R3HDM4: variants seen among roughly 807,000 people sequenced by gnomAD.
R3HDM4 encodes R3H domain-containing protein 4.
A neutral mutation model predicts 31.3 loss-of-function variants in R3HDM4; 30 were observed. The ratio of observed to expected loss-of-function variants is 0.96; its 90% CI spans 0.72 to 1.30. R3HDM4 has a LOEUF of 1.30. R3HDM4 is among the 50% of genes most tolerant of loss of function. The probability of loss-of-function intolerance (pLI) is 0.00; values close to 1 mark genes in which losing one functional copy is unlikely to be tolerated. For synonymous variants in R3HDM4, 196 were observed against 156.6 expected (o/e 1.25, Z -1.88); for missense variants, 444 against 366.1 (o/e 1.21, Z -1.74).
Position 899,740 on chromosome 19 carries a change from C to T in R3HDM4, c.562-54G>A. On this transcript the variant is annotated intron_variant, in intron 5 of 7. Transcript: ENST00000361574. This position sits in a 1 kb window ranked among gnomAD's most constrained non-coding sequence, Gnocchi z 6.8. ...ACTGCGGGACCTGTGGGTGGGGGGCCAGGGAGGTCCAGGGCCCCCAGGAGC... is the reference window on the plus strand; with the variant it reads ...ACTGCGGGACCTGTGGGTGGGGGGCTAGGGAGGTCCAGGGCCCCCAGGAGC... 1.5e-6 allele frequency: 2 copies of T among 1,373,744 alleles called. No homozygotes were observed. The highest frequency in any genetic ancestry group is 2.9e-5 in the South Asian group (2 of 70,170). 85.1% of individuals were successfully genotyped at this position (1,373,744 alleles called of 1,614,324 possible). A position where few individuals can be genotyped will look rare whatever the true frequency, so the allele number is the denominator to read the frequency against.
Position 903,569 on chromosome 19 carries a change from G to C in R3HDM4, c.72-1439C>G, listed in dbSNP as rs914952796. ...CCTGGGAAGCGGGCCGGTGAGGGGGGGCCTCATGGATGGGGACTTTTCTGG... is the reference window on the plus strand; with the variant it reads ...CCTGGGAAGCGGGCCGGTGAGGGGGCGCCTCATGGATGGGGACTTTTCTGG... On this transcript the variant is annotated intron_variant, in intron 1 of 7. Transcript: ENST00000361574. Among the ~76,000 whole-genome samples, 7 of 152,292 alleles carry C rather than the reference G, an allele frequency of 4.6e-5. No homozygotes were observed. The East Asian group carries it at 7.7e-4, about 17-fold the overall frequency.
chr19:898,569 A>G (rs2036776087), intron 7 of R3HDM4, among the ~76,000 whole-genome samples: 1 of 151,980 alleles, frequency 6.6e-6, no homozygotes, highest in Admixed American at 6.6e-5. Flanking sequence ...ACTGCACTCC[A>G]GCCTGGGTGG....
chr19:908,058 G>A (rs2036928206), intron 1 of R3HDM4, among the ~76,000 whole-genome samples: 1 of 152,126 alleles, frequency 6.6e-6, no homozygotes, highest in African/African-American at 2.4e-5. Context: ...CAGGAGTGGT[G>A]GCGCACGCCT....
chr19:904,903 A>G (rs940990556), intron 1 of R3HDM4, among the ~76,000 whole-genome samples: 3 of 152,104 alleles, frequency 2.0e-5, no homozygotes, highest in Non-Finnish European at 4.4e-5. Flanking sequence ...TTACATCTCA[A>G]TCAAAAGTAA....
Position 897,398 on chromosome 19 carries a change from G to T in R3HDM4, c.*39C>A. On this transcript the variant is annotated 3_prime_UTR_variant, in exon 8 of 8. Coordinates refer to ENST00000361574, the MANE Select transcript of R3HDM4 (RefSeq NM_138774.4). ...GCCGAAGGTATCGGAGGGCTTGATG[G>T]CTGGGCGAGGTGGCAGCGGGGTCTC... 3 of 1,448,108 alleles carry T rather than the reference G, an allele frequency of 2.1e-6. No individual in the cohort carries two copies. The highest frequency in any genetic ancestry group is 2.2e-5 in the Admixed American group (1 of 45,938). The allele number at this position is 1,448,108 out of a possible 1,614,324, so 89.7% of individuals were successfully genotyped here. A position where few individuals can be genotyped will look rare whatever the true frequency, so the allele number is the denominator to read the frequency against.
chr19:900,812 C>T lies in R3HDM4; in HGVS notation c.475+17G>A. 6.6e-7 allele frequency: 1 copy of T among 1,521,732 alleles called. No individual in the cohort carries two copies. The highest frequency in any genetic ancestry group is 8.8e-7 in the Non-Finnish European group (1 of 1,131,124). The allele number at this position is 1,521,732 out of a possible 1,614,324, so 94.3% of individuals were successfully genotyped here. A position where few individuals can be genotyped will look rare whatever the true frequency, so the allele number is the denominator to read the frequency against. Reference sequence around the variant, plus strand: ...ATACCCTGGCCCCACCCATACCCGCCCCAGCCAGGCCCGCACCTCTCCTCC... The same window carrying T: ...ATACCCTGGCCCCACCCATACCCGCTCCAGCCAGGCCCGCACCTCTCCTCC... On this transcript the variant is annotated intron_variant, in intron 4 of 7. Transcript: ENST00000361574.
Sources: allele counts gnomAD v4.1 joint callset (sites outside exome capture counted in the v4.1 genomes callset), GRCh38; gene constraint gnomAD v4.1.1; non-coding constraint Gnocchi (gnomAD v3.1); transcripts MANE v1.5; gene names NCBI Gene and HGNC (gene_info 2026-07-23, HGNC 2026-07-21).